Variants in LRRC27 observed in about 807,000 individuals in gnomAD.
LRRC27 encodes the protein leucine-rich repeat-containing protein 27.
Under a neutral mutation model 55.0 loss-of-function variants are expected in LRRC27, and 57 were observed. That is an observed-to-expected ratio of 1.04 (90% CI 0.84 to 1.29). The LOEUF is 1.29. Among genes scored for constraint, LRRC27 ranks in the 50% most tolerant of loss-of-function variants. The pLI, the probability that LRRC27 is intolerant of heterozygous loss-of-function variation, is 0.00. For missense variants in LRRC27, 721 were observed against 651.5 expected (o/e 1.11, Z -1.16); for synonymous variants, 278 against 251.9 (o/e 1.10, Z -0.98).
In LRRC27 at chr10:132,359,345, G is replaced by C. The variant is rs189970501; in HGVS notation, c.1171-2112G>C. 1.8e-3 allele frequency among the ~76,000 whole-genome samples: 272 copies of C among 152,306 alleles called. 2 individuals carry two copies. The highest frequency in any genetic ancestry group is 2.8e-3 in the Admixed American group (43 of 15,310). On this transcript the variant is annotated intron_variant, in intron 8 of 10. Coordinates refer to ENST00000368614, the MANE Select transcript of LRRC27 (RefSeq NM_030626.3). ...AAGTGTATCTGTGTATTTCAGTATT[G>C]TTGGAGAGACAAGCATAAATAAATA...
At chr10:132,333,314 C>CTTTTT (rs10690076) in intron 1 of LRRC27, among the ~76,000 whole-genome samples, 163 bp from the exon 2 acceptor site, 5 of 149,186 alleles carry the variant, frequency 3.4e-5, no homozygotes, top group African/African-American at 9.9e-5. Flanking sequence ...CTTTGTATTC[C>CTTTTT]TTTTTTTTTT....
At chr10:132,330,505 G>C (rs561213189), upstream of LRRC27, 64 of 716,776 alleles carry the variant, frequency 8.9e-5, 1 homozygote, top group African/African-American at 1.1e-3. Context: ...AGATAGTTGG[G>C]TATGTACGAA....
At chr10:132,364,312 C>A (rs2068802480) in intron 9 of LRRC27, among the ~76,000 whole-genome samples, 1 of 86,646 alleles carries the variant, frequency 1.2e-5, no homozygotes, top group Non-Finnish European at 2.6e-5. Context: ...CCCGCACCAA[C>A]ACCCACACCA....
At chr10:132,350,010 G>C (rs1246009645) in intron 6 of LRRC27, among the ~76,000 whole-genome samples, 6 of 152,178 alleles carry the variant, frequency 3.9e-5, no homozygotes, top group African/African-American at 1.4e-4. Flanking sequence ...CGCTCAGGGT[G>C]GTGGCCCTTC....
intron 2 of LRRC27, among the ~76,000 whole-genome samples, chr10:132,336,049 C>G (rs2067114144): frequency 6.6e-6 from 1 of 152,122 alleles, no homozygotes; most frequent in Non-Finnish European, 1.5e-5. Context: ...TGGAAATGGA[C>G]CACTGTATAT....
chr10:132,370,321 G>C (rs898157524), intron 10 of LRRC27, among the ~76,000 whole-genome samples: 6 of 152,212 alleles, frequency 3.9e-5, no homozygotes, highest in Non-Finnish European at 4.4e-5. Context: ...TCCAGGGAGG[G>C]ATGTGCTATG....
At chr10:132,361,417 C>G (rs199676649) in intron 8 of LRRC27, 40 bp from the exon 9 acceptor site, 79 of 1,495,706 alleles carry the variant, frequency 5.3e-5, no homozygotes, top group Admixed American at 2.0e-4. Context: ...AAAACATCAT[C>G]TACTGGGATT....
chr10:132,331,480 A>C (rs1268057248), upstream of LRRC27: 1 of 1,612,402 alleles, frequency 6.2e-7, no homozygotes, highest in Non-Finnish European at 8.5e-7. Context: ...AGGCAGCCTT[A>C]CTTCTCCAAA....
At chr10:132,364,445 A>ACACCCACACTCACACC (rs1403219917) in intron 9 of LRRC27, among the ~76,000 whole-genome samples, 5 of 118,190 alleles carry the variant, frequency 4.2e-5, no homozygotes, top group Admixed American at 8.3e-5. Context: ...ATCTACCTCC[A>ACACCCACACTCACACC]CACCCACACT....
At chr10:132,341,432 T>C (rs1425407728) in intron 3 of LRRC27, among the ~76,000 whole-genome samples, 1 of 152,202 alleles carries the variant, frequency 6.6e-6, no homozygotes, top group Non-Finnish European at 1.5e-5. Context: ...AGAAGCATAG[T>C]ACAATAAAAG....
intron 2 of LRRC27, 162 bp from the exon 3 acceptor site, chr10:132,337,403 C>T (rs941726493): frequency 2.9e-6 from 4 of 1,399,218 alleles, no homozygotes; most frequent in East Asian, 5.1e-5. Context: ...CTTTTGTCTA[C>T]TGTTTACATC....
At position 132,378,905 on chromosome 10, in the gene LRRC27, G is replaced by C. The variant is rs2069374531; in HGVS notation, c.*3663G>C. Reference sequence around the variant, plus strand: ...CCTCCGTGTTCTTGGGGAGTGCGTGGTGTCAGATCCCATCCTGCTCCTCTC... The same window carrying C: ...CCTCCGTGTTCTTGGGGAGTGCGTGCTGTCAGATCCCATCCTGCTCCTCTC... On this transcript the variant is annotated 3_prime_UTR_variant, in exon 11 of 11. Transcript: ENST00000368614. 1 of 154,650 alleles carries C rather than the reference G, an allele frequency of 6.5e-6. No homozygotes were observed. The highest frequency in any genetic ancestry group is 2.4e-5 in the African/African-American group (1 of 41,390). 9.6% of individuals were successfully genotyped at this position (154,650 alleles called of 1,614,324 possible). A position where few individuals can be genotyped will look rare whatever the true frequency, so the allele number is the denominator to read the frequency against.
rs369105559 is a variant in LRRC27 at position 132,355,782 on chromosome 10, T to C, written c.1074-8T>C. 3 of 1,547,438 alleles carry C rather than the reference T, an allele frequency of 1.9e-6. No individual in the cohort carries two copies. In the African/African-American group the frequency reaches 4.1e-5, roughly 21 times the overall value. On this transcript the variant is annotated splice_region_variant and splice_polypyrimidine_tract_variant and intron_variant, in intron 7 of 10. Transcript: ENST00000368614. The stretch of plus-strand genomic sequence containing the variant: ...GTAACTTATGACATTAACCTTCCCT[T>C]TCTCCAGAGAGAAAAGGGCACTGCA...
intron 1 of LRRC27, 79 bp from the exon 2 acceptor site, chr10:132,333,398 A>T (rs1375183488): frequency 1.8e-6 from 1 of 565,362 alleles, no homozygotes; most frequent in Non-Finnish European, 2.8e-6. Context: ...GTTACATTAC[A>T]GTAGATCTGC....
chr10:132,361,245 C>T (rs968055120), intron 8 of LRRC27, among the ~76,000 whole-genome samples: 2 of 152,216 alleles, frequency 1.3e-5, no homozygotes, highest in Non-Finnish European at 2.9e-5. Flanking sequence ...TCAGGGAGGC[C>T]CCAGAAAGAT....
chr10:132,374,994 G>C lies in LRRC27; in HGVS notation c.1417-72G>C. 2 of 1,482,432 alleles carry C rather than the reference G, an allele frequency of 1.3e-6. No individual in the cohort carries two copies. Among genetic ancestry groups the C allele is most frequent in the East Asian group, 4.6e-5 (2 of 43,426 alleles). The allele number at this position is 1,482,432 out of a possible 1,614,324, so 91.8% of individuals were successfully genotyped here. A position where few individuals can be genotyped will look rare whatever the true frequency, so the allele number is the denominator to read the frequency against. ...ATGGCCTGGGCCCCACGTGGAATCT[G>C]AGCCAGAGACGTGGTGACGCCCTAA... is the stretch of plus-strand genomic sequence containing the variant. On this transcript the variant is annotated intron_variant, in intron 10 of 10. Coordinates refer to ENST00000368614, the MANE Select transcript of LRRC27 (RefSeq NM_030626.3). This position sits in a 1 kb window ranked among gnomAD's most constrained non-coding sequence, Gnocchi z 4.4.
chr10:132,337,584 A>G lies in LRRC27; in HGVS notation c.230A>G (p.Asn77Ser), dbSNP rs1590598662. The G allele has an allele frequency of 2.5e-6, 4 of 1,614,058 alleles. No homozygotes were observed. Among genetic ancestry groups the G allele is most frequent in the Admixed American group, 1.7e-5 (1 of 60,000 alleles). Residue 77 changes from asparagine to serine, a missense_variant, in exon 3 of 11, where the codon AAT (asparagine) becomes AGT (serine). By Grantham distance (46) the Asn-to-Ser change is conservative (BLOSUM62 1). Transcript: ENST00000368614. ...PSLQQLHLQR[N>S]ALCVIPQDFF... is the part of the protein sequence containing the mutation. ...TGGAAGCAATTGCATCTGCAAAGGA[A>G]TGCCCTGTGTGTGATTCCTCAAGAT... is the stretch of plus-strand genomic sequence containing the variant.
chr10:132,364,327 C>A, intron 9 of LRRC27, among the ~76,000 whole-genome samples: 1 of 67,214 alleles, frequency 1.5e-5, no homozygotes, highest in African/African-American at 4.6e-5. Flanking sequence ...ACACCACACC[C>A]ATGACCACAC....
chr10:132,332,046 A>T, upstream of LRRC27: 1 of 302,800 alleles, frequency 3.3e-6, no homozygotes, highest in Non-Finnish European at 6.0e-6. Flanking sequence ...GCACGCAGGC[A>T]CAAACCCCCA....
Sources: allele counts gnomAD v4.1 joint callset (sites outside exome capture counted in the v4.1 genomes callset), GRCh38; gene constraint gnomAD v4.1.1; non-coding constraint Gnocchi (gnomAD v3.1); transcripts MANE v1.5; gene names NCBI Gene and HGNC (gene_info 2026-07-23, HGNC 2026-07-21).